The following GPD2 variants were observed in gnomAD, a reference collection of about 807,000 sequenced individuals.
The protein encoded by GPD2 is glycerol-3-phosphate dehydrogenase 2.
GPD2 carries 54 observed loss-of-function variants against 82.4 expected under a neutral mutation model. That is an observed-to-expected ratio of 0.66 (90% CI 0.53 to 0.82). The LOEUF (loss-of-function observed/expected upper bound fraction) is 0.82, where lower values mean the gene tolerates loss of function less well. Ranked by LOEUF, GPD2 falls within the 40% of genes least tolerant of loss-of-function variation. The pLI is 0.00. For synonymous variants in GPD2, 288 were observed against 306.1 expected, an observed-to-expected ratio of 0.94 and a Z score of 0.62; for missense variants, 748 against 896.2, an observed-to-expected ratio of 0.83 and a Z score of 2.11.
At chr2:156,404,471 C>T in the GPD2 span, among the ~76,000 whole-genome samples, 2 of 151,962 alleles carry the variant, frequency 1.3e-5, no homozygotes, top group Non-Finnish European at 1.5e-5. Context: ...AATTGAGAAA[C>T]AGTTTTACCC....
intron 8 of GPD2, among the ~76,000 whole-genome samples, chr2:156,554,531 T>C (rs950100838): frequency 2.6e-5 from 4 of 152,178 alleles, no homozygotes; most frequent in African/African-American, 9.7e-5. Flanking sequence ...GTTCCAGTTG[T>C]GGAATTATCT....
At chr2:156,426,165 C>A in the GPD2 span, among the ~76,000 whole-genome samples, 1 of 152,078 alleles carries the variant, frequency 6.6e-6, no homozygotes. Context: ...CCTCGTGATC[C>A]GCCCGCCTTG....
At chr2:156,487,953 G>T (rs968758003) in intron 2 of GPD2, among the ~76,000 whole-genome samples, 10 of 152,158 alleles carry the variant, frequency 6.6e-5, no homozygotes, top group African/African-American at 2.2e-4. Flanking sequence ...TAAGTGTTTG[G>T]ATATTTTCTA....
chr2:156,572,233 T>A (rs1264243334), intron 13 of GPD2, among the ~76,000 whole-genome samples: 1 of 152,188 alleles, frequency 6.6e-6, no homozygotes, highest in East Asian at 1.9e-4. Context: ...TAAACATTAG[T>A]ATCATACTTT....
At chr2:156,571,471 G>A (rs55770709) in intron 13 of GPD2, among the ~76,000 whole-genome samples, 179 bp downstream of exon 13, 103 of 152,050 alleles carry the variant, frequency 6.8e-4, no homozygotes, top group Non-Finnish European at 1.3e-3. Context: ...TTTAAATTTA[G>A]TTGTTTATGG....
At chr2:156,510,653 C>G (rs1342968748) in intron 3 of GPD2, 143 bp from the exon 4 acceptor site, 3 of 706,678 alleles carry the variant, frequency 4.2e-6, no homozygotes, top group Non-Finnish European at 7.7e-6. Flanking sequence ...ATAATATAGA[C>G]AGTGTACTGC....
At chr2:156,526,734 C>T (rs1314565807) in intron 6 of GPD2, among the ~76,000 whole-genome samples, 1 of 152,040 alleles carries the variant, frequency 6.6e-6, no homozygotes, top group East Asian at 1.9e-4. Flanking sequence ...CTAATGAATT[C>T]GTCTCAGAGT....
chr2:156,529,442 A>G (rs1198155301), intron 6 of GPD2, among the ~76,000 whole-genome samples: 1 of 141,774 alleles, frequency 7.1e-6, no homozygotes, highest in East Asian at 2.1e-4. Context: ...CTTTAGTTTA[A>G]TTAGATCCCA....
the GPD2 span, among the ~76,000 whole-genome samples, chr2:156,416,136 C>T: frequency 2.0e-4 from 31 of 151,536 alleles, no homozygotes; most frequent in Admixed American, 2.0e-3. Flanking sequence ...AATATTCTAT[C>T]ATATATGTAT....
intron 9 of GPD2, among the ~76,000 whole-genome samples, chr2:156,568,450 T>C (rs185235297): frequency 7.0e-4 from 106 of 152,256 alleles, no homozygotes; most frequent in African/African-American, 1.9e-3. Context: ...AGAAGGAAAT[T>C]TAACAATTCA....
At chr2:156,572,221 C>T (rs1420259117) in intron 13 of GPD2, among the ~76,000 whole-genome samples, 1 of 152,118 alleles carries the variant, frequency 6.6e-6, no homozygotes, top group African/African-American at 2.4e-5. Flanking sequence ...GTTACTCAAG[C>T]CTAAACATTA....
intron 1 of GPD2, among the ~76,000 whole-genome samples, chr2:156,455,519 C>T (rs1682760638): frequency 6.6e-6 from 1 of 152,124 alleles, no homozygotes; most frequent in African/African-American, 2.4e-5. Context: ...TCATTGCCTC[C>T]TTACTTAGGA....
upstream of GPD2, among the ~76,000 whole-genome samples, chr2:156,430,955 G>A (rs1302568554): frequency 6.6e-6 from 1 of 152,198 alleles, no homozygotes; most frequent in East Asian, 1.9e-4. Context: ...TGCTCATTTT[G>A]TTACACCAGG....
the GPD2 span, among the ~76,000 whole-genome samples, chr2:156,404,566 T>C: frequency 0.22 from 32,561 of 151,418 alleles, 3,678 homozygotes; most frequent in Non-Finnish European, 0.25. Context: ...TTAGGCCAAG[T>C]GTGGTGCCTC....
chr2:156,442,122 A>G (rs1428676302), intron 1 of GPD2, among the ~76,000 whole-genome samples: 1 of 152,176 alleles, frequency 6.6e-6, no homozygotes, highest in Admixed American at 6.5e-5. Flanking sequence ...TTGTGCACAT[A>G]TATCCTTCTA....
At chr2:156,517,748 G>C (rs1475413696) in intron 6 of GPD2, among the ~76,000 whole-genome samples, 1 of 152,132 alleles carries the variant, frequency 6.6e-6, no homozygotes, top group Non-Finnish European at 1.5e-5. Context: ...GTTTTCTCAG[G>C]AACTTATTTT....
At chr2:156,542,331 A>C (rs1686352823) in intron 6 of GPD2, among the ~76,000 whole-genome samples, 1 of 152,190 alleles carries the variant, frequency 6.6e-6, no homozygotes, top group Non-Finnish European at 1.5e-5. Context: ...GCCTGCATTT[A>C]ATTGTACCTT....
At chr2:156,419,618 C>T in the GPD2 span, among the ~76,000 whole-genome samples, 1 of 152,080 alleles carries the variant, frequency 6.6e-6, no homozygotes, top group African/African-American at 2.4e-5. Flanking sequence ...TTTTCTTAGC[C>T]TCTTTTGTTT....
intron 13 of GPD2, among the ~76,000 whole-genome samples, chr2:156,578,026 G>A (rs1378026100): frequency 1.3e-5 from 2 of 152,158 alleles, no homozygotes; most frequent in African/African-American, 2.4e-5. Context: ...GCGTGTGTGT[G>A]TGTGTAGCAT....
Sources: gnomAD v4.1 joint callset for allele counts (sites outside exome capture counted in the v4.1 genomes callset) on GRCh38, gnomAD v4.1.1 for gene constraint, MANE v1.5 for transcripts, NCBI Gene and HGNC (gene_info 2026-07-23, HGNC 2026-07-21) for gene names.